Variants in ZFYVE28 observed in about 807,000 individuals in gnomAD.
ZFYVE28 encodes lateral signaling target protein 2 homolog.
In ZFYVE28, 40 loss-of-function variants were observed where a neutral mutation model predicts 82.1. The observed-to-expected ratio is 0.49, with a 90% CI of 0.38 to 0.63. The LOEUF is 0.63. ZFYVE28 is among the 30% of genes least tolerant of loss of function. ZFYVE28 has a pLI of 0.00. For missense variants in ZFYVE28, 1,321 were observed against 1,242.1 expected (o/e 1.06, Z -0.96); for synonymous variants, 612 against 546.1 (o/e 1.12, Z -1.68).
intron 1 of ZFYVE28, among the ~76,000 whole-genome samples, chr4:2,376,870 G>A (rs1020878890): frequency 6.6e-6 from 1 of 151,976 alleles, no homozygotes; most frequent in African/African-American, 2.4e-5. Context: ...AGGCTGCAGT[G>A]AGCCAAGATT....
chr4:2,392,382 T>A (rs369113444), intron 1 of ZFYVE28, among the ~76,000 whole-genome samples: 1 of 152,244 alleles, frequency 6.6e-6, no homozygotes, highest in African/African-American at 2.4e-5. Flanking sequence ...CGTAAGTACA[T>A]CCTTTATCAG....
At chr4:2,412,636 T>C (rs1732637861) in intron 1 of ZFYVE28, among the ~76,000 whole-genome samples, 1 of 152,164 alleles carries the variant, frequency 6.6e-6, no homozygotes, top group Non-Finnish European at 1.5e-5. Context: ...CAAATTGGAA[T>C]CAGCTCACCA....
At chr4:2,303,103 A>G (rs1304915120) in intron 8 of ZFYVE28, among the ~76,000 whole-genome samples, 1 of 152,152 alleles carries the variant, frequency 6.6e-6, no homozygotes, top group Non-Finnish European at 1.5e-5. Flanking sequence ...GGGGAGGGAC[A>G]CCGGGAACCA....
chr4:2,412,929 C>T (rs1300383560), intron 1 of ZFYVE28, among the ~76,000 whole-genome samples: 1 of 152,160 alleles, frequency 6.6e-6, no homozygotes, highest in East Asian at 1.9e-4. Context: ...GCCCTGCCTG[C>T]TGAGTCCAAA....
At position 2,339,713 on chromosome 4, in the gene ZFYVE28, C is replaced by A; in HGVS notation, c.319-58G>T. 6.7e-7 allele frequency: 1 copy of A among 1,500,008 alleles called. No homozygotes were observed. The highest frequency in any genetic ancestry group is 1.3e-5 in the South Asian group (1 of 79,794). The allele number at this position is 1,500,008 out of a possible 1,614,324, so 92.9% of individuals were successfully genotyped here. ...GGGTGAGGGCCAGGCTCTCAGGGGT[C>A]GCCGACCCGGGGAACCTGACTGCGC... is the stretch of plus-strand genomic sequence containing the variant. On this transcript the variant is annotated intron_variant, in intron 3 of 12. Coordinates refer to ENST00000290974, the MANE Select transcript of ZFYVE28 (RefSeq NM_020972.3). This position sits in a 1 kb window ranked among gnomAD's most constrained non-coding sequence, Gnocchi z 5.0.
chr4:2,346,839 T>A, intron 2 of ZFYVE28, among the ~76,000 whole-genome samples: 1 of 150,030 alleles, frequency 6.7e-6, no homozygotes, highest in African/African-American at 2.5e-5. Flanking sequence ...CTGAAGCCAA[T>A]TAATAAAAAA....
chr4:2,320,033 T>G lies in ZFYVE28; in HGVS notation c.803+137A>C. ...CCATGGGTCGTTTGTGACCCCTCCC[T>G]AGGGAATATTAACCAGCCCATCCTT... On this transcript the variant is annotated intron_variant, in intron 7 of 12. Coordinates refer to ENST00000290974, the MANE Select transcript of ZFYVE28 (RefSeq NM_020972.3). The surrounding 1 kb of genome is among the most constrained non-coding windows in gnomAD (Gnocchi z 5.1). 1 of 837,472 alleles carries G rather than the reference T, an allele frequency of 1.2e-6. No homozygotes were observed. The allele number at this position is 837,472 out of a possible 1,614,324, so 51.9% of individuals were successfully genotyped here. A position where few individuals can be genotyped will look rare whatever the true frequency, so the allele number is the denominator to read the frequency against.
chr4:2,279,554 C>T (rs903008948), intron 8 of ZFYVE28, among the ~76,000 whole-genome samples: 26 of 152,036 alleles, frequency 1.7e-4, no homozygotes, highest in South Asian at 4.1e-4. Context: ...CCAAGGTGGG[C>T]GGATCACGAG....
Position 2,271,741 on chromosome 4 carries a change from C to T in ZFYVE28, c.2362G>A (p.Ala788Thr), listed in dbSNP as rs1735929518. 1 of 1,613,872 alleles carries T rather than the reference C, an allele frequency of 6.2e-7. No individual in the cohort carries two copies. The highest frequency in any genetic ancestry group is 8.5e-7 in the Non-Finnish European group (1 of 1,179,978). ...GATGACAGGGTCTCCTGGCACAGTG[C>T]ACAGTCCTCCAAGGCCGCACTCCGC... ...TLRSAALEDC[A>T]LCQETLSSSE... The change falls in exon 11 of 13, where the codon GCA becomes ACA. Residue 788 changes from alanine to threonine, a missense_variant. Ala to Thr is a moderately conservative substitution (Grantham distance 58, BLOSUM62 0). Around this residue, in one of 2 missense-constraint regions of ZFYVE28, gnomAD observed 978 missense variants for 833.7 expected, o/e 1.17. Coordinates refer to ENST00000290974, the MANE Select transcript of ZFYVE28 (RefSeq NM_020972.3).
intron 6 of ZFYVE28, among the ~76,000 whole-genome samples, chr4:2,328,126 T>C (rs1332818485): frequency 6.6e-6 from 1 of 152,232 alleles, no homozygotes; most frequent in Non-Finnish European, 1.5e-5. Context: ...ATTGCAGCAT[T>C]ATTCACAATA....
chr4:2,285,936 G>C (rs909267851), intron 8 of ZFYVE28: 12 of 152,384 alleles, frequency 7.9e-5, no homozygotes, highest in African/African-American at 2.9e-4. Context: ...TTGGCGCATT[G>C]TCTTGGAGCA....
intron 8 of ZFYVE28, among the ~76,000 whole-genome samples, chr4:2,299,742 A>G (rs1353170573): frequency 1.1e-5 from 1 of 91,088 alleles, no homozygotes; most frequent in African/African-American, 4.4e-5. Context: ...AACCATGTTC[A>G]GTGGAAAAAA....
intron 1 of ZFYVE28, among the ~76,000 whole-genome samples, chr4:2,355,223 T>C (rs1257420974): frequency 4.0e-3 from 34 of 8,440 alleles, no homozygotes; most frequent in African/African-American, 0.029. Flanking sequence ...TATATATATA[T>C]ATATATATAT....
At chr4:2,278,939 C>A (rs61789414) in intron 8 of ZFYVE28, among the ~76,000 whole-genome samples, 1 of 118,634 alleles carries the variant, frequency 8.4e-6, no homozygotes, top group Admixed American at 8.4e-5. Context: ...TCCCCCCCCC[C>A]TCAAAAAAAA....
chr4:2,273,328 G>A (rs201052587), intron 9 of ZFYVE28, 39 bp from the exon 10 acceptor site: 113 of 1,571,772 alleles, frequency 7.2e-5, no homozygotes, highest in Admixed American at 1.7e-4. Context: ...ACAGAAGGAC[G>A]GATGGAAGGA....
rs1730182571 is a variant in ZFYVE28, at chr4:2,394,226, C to A, written c.39+24059G>T. On this transcript the variant is annotated intron_variant, in intron 1 of 12. Coordinates refer to ENST00000290974, the MANE Select transcript of ZFYVE28 (RefSeq NM_020972.3). This position sits in a 1 kb window ranked among gnomAD's most constrained non-coding sequence, Gnocchi z 4.0. ...CATGATCGGAAGGTCAACTGACGAG[C>A]AGGCGTAGTTCCATCTTTAACCTTT... Among the ~76,000 whole-genome samples the A allele has an allele frequency of 6.6e-6, 1 of 152,160 alleles. No homozygotes were observed. Among genetic ancestry groups the A allele is most frequent in the Non-Finnish European group, 1.5e-5 (1 of 68,032 alleles).
intron 8 of ZFYVE28, among the ~76,000 whole-genome samples, chr4:2,301,414 C>A (rs910548445): frequency 6.6e-6 from 1 of 152,182 alleles, no homozygotes; most frequent in Non-Finnish European, 1.5e-5. Context: ...TCCTGATCAC[C>A]CTGTGATGTG....
rs1318611140 is a variant in ZFYVE28 at position 2,273,197 on chromosome 4, C to G, written c.2299G>C (p.Asp767His). Reference sequence around the variant, plus strand: ...CCCTTCCTTAACTTTTCCTTGTCGTCTGTTTCAGGCTTGGTGGCCATGACC... The same window carrying G: ...CCCTTCCTTAACTTTTCCTTGTCGTGTGTTTCAGGCTTGGTGGCCATGACC... ...FEVMATKPET[D>H]DKEKLRKVTQ... Residue 767 changes from aspartate (D) to histidine (H), a missense_variant, in exon 10 of 13, where the codon GAC becomes CAC. By Grantham distance (81) the Asp-to-His change is moderately conservative. Around this residue, in one of 2 missense-constraint regions of ZFYVE28, gnomAD observed 978 missense variants for 833.7 expected, o/e 1.17. Coordinates refer to ENST00000290974, the MANE Select transcript of ZFYVE28 (RefSeq NM_020972.3). The G allele has an allele frequency of 5.6e-6, 9 of 1,613,754 alleles. No homozygotes were observed. The highest frequency in any genetic ancestry group is 1.3e-5 in the African/African-American group (1 of 74,942).
chr4:2,397,040 GGGGATCAGGGA>G (rs1311014703), intron 1 of ZFYVE28, among the ~76,000 whole-genome samples: 2 of 152,208 alleles, frequency 1.3e-5, no homozygotes, highest in African/African-American at 4.8e-5. Context: ...TGCCACGGCC[GGGGATCAGGGA>G]GGCATCAGAA....
Sources: gnomAD v4.1 joint callset for allele counts (sites outside exome capture counted in the v4.1 genomes callset) on GRCh38, gnomAD v4.1.1 for gene constraint, gnomAD v4.1.1 regional missense constraint, Gnocchi (gnomAD v3.1) non-coding constraint, MANE v1.5 for transcripts, NCBI Gene and HGNC (gene_info 2026-07-23, HGNC 2026-07-21) for gene names.